The following SPMIP2 variants were observed in gnomAD, a reference collection of about 807,000 sequenced individuals.
SPMIP2 encodes the protein protein SPMIP2.
At chr4:159,023,308 G>A in the SPMIP2 span, among the ~76,000 whole-genome samples, 1 of 152,116 alleles carries the variant, frequency 6.6e-6, no homozygotes, top group Non-Finnish European at 1.5e-5. Context: ...GCAAATTTGT[G>A]CTCCACTTGG....
the SPMIP2 span, among the ~76,000 whole-genome samples, chr4:158,946,431 G>A: frequency 6.6e-6 from 1 of 151,988 alleles, no homozygotes; most frequent in African/African-American, 2.4e-5. Flanking sequence ...GACCCGGTGG[G>A]AGGTGATTGG....
chr4:158,978,127 T>C, the SPMIP2 span, among the ~76,000 whole-genome samples: 33 of 152,274 alleles, frequency 2.2e-4, no homozygotes, highest in South Asian at 1.9e-3. Flanking sequence ...TGTCTTTGTT[T>C]TCATTGGTTT....
At chr4:158,899,194 A>C in the SPMIP2 span, among the ~76,000 whole-genome samples, 19 of 152,184 alleles carry the variant, frequency 1.2e-4, no homozygotes, top group Non-Finnish European at 1.9e-4. Context: ...CCCAGGGATG[A>C]AGCCAGCTGG....
the SPMIP2 span, among the ~76,000 whole-genome samples, chr4:158,990,870 T>C: frequency 1.1e-5 from 1 of 91,836 alleles, no homozygotes; most frequent in Non-Finnish European, 2.6e-5. Flanking sequence ...GAACTTAAAA[T>C]ATAATAAAAA....
chr4:158,926,181 T>G, the SPMIP2 span, among the ~76,000 whole-genome samples: 2 of 152,352 alleles, frequency 1.3e-5, no homozygotes, highest in African/African-American at 4.8e-5. Context: ...TGCTTTTCTA[T>G]TCTTTATCTA....
the SPMIP2 span, among the ~76,000 whole-genome samples, chr4:159,016,020 T>C: frequency 4.6e-5 from 7 of 152,242 alleles, no homozygotes; most frequent in Admixed American, 4.6e-4. Flanking sequence ...GTGGTCAGTC[T>C]GTAGTAGTCA....
the SPMIP2 span, chr4:158,973,047 T>A: frequency 0.34 from 445,112 of 1,327,436 alleles, 75,989 homozygotes; most frequent in South Asian, 0.43. Context: ...GAAAACAGTA[T>A]ACTATGAAAA....
At chr4:158,946,809 C>T in the SPMIP2 span, among the ~76,000 whole-genome samples, 2 of 152,322 alleles carry the variant, frequency 1.3e-5, no homozygotes, top group East Asian at 1.9e-4. Flanking sequence ...CTGTTTCTAT[C>T]CCATCTCCCC....
the SPMIP2 span, among the ~76,000 whole-genome samples, chr4:159,024,999 T>C: frequency 6.6e-6 from 1 of 152,212 alleles, no homozygotes; most frequent in Non-Finnish European, 1.5e-5. Context: ...GAAGTAGATA[T>C]TATTATGGCC....
chr4:158,979,384 G>T, the SPMIP2 span, among the ~76,000 whole-genome samples: 6 of 152,150 alleles, frequency 3.9e-5, no homozygotes, highest in Admixed American at 6.5e-5. Flanking sequence ...GGGCATTCCA[G>T]GCACCACTGG....
the SPMIP2 span, among the ~76,000 whole-genome samples, chr4:159,000,123 A>T: frequency 6.6e-6 from 1 of 152,214 alleles, no homozygotes. Flanking sequence ...ATATGTACAC[A>T]CATGAACAGG....
At chr4:158,955,400 A>C in the SPMIP2 span, among the ~76,000 whole-genome samples, 1 of 151,968 alleles carries the variant, frequency 6.6e-6, no homozygotes. Flanking sequence ...ACACACCATT[A>C]ATTTTTTTTG....
the SPMIP2 span, chr4:158,906,361 CAT>C: frequency 6.6e-6 from 1 of 152,166 alleles, no homozygotes; most frequent in Non-Finnish European, 1.5e-5. Flanking sequence ...TTCTTGTTTA[CAT>C]GTTTTGGGCA....
At chr4:158,982,862 C>A in the SPMIP2 span, among the ~76,000 whole-genome samples, 1 of 151,996 alleles carries the variant, frequency 6.6e-6, no homozygotes, top group Non-Finnish European at 1.5e-5. Context: ...CAAACTATTC[C>A]GAGCTACAGG....
At chr4:158,988,573 G>C in the SPMIP2 span, among the ~76,000 whole-genome samples, 3 of 152,138 alleles carry the variant, frequency 2.0e-5, no homozygotes, top group African/African-American at 7.2e-5. Context: ...GGGATGCAAG[G>C]CTGGTTCAAC....
chr4:159,032,286 T>G, the SPMIP2 span, among the ~76,000 whole-genome samples: 1 of 152,210 alleles, frequency 6.6e-6, no homozygotes, highest in Admixed American at 6.5e-5. Flanking sequence ...TCTCTAAAGC[T>G]TGTGGCATTA....
the SPMIP2 span, among the ~76,000 whole-genome samples, chr4:158,956,388 C>A: frequency 2.0e-5 from 3 of 152,210 alleles, no homozygotes; most frequent in African/African-American, 7.2e-5. Context: ...TATGGTGAAA[C>A]CCTGTCTCTA....
At chr4:158,937,577 C>A in the SPMIP2 span, 94 of 154,486 alleles carry the variant, frequency 6.1e-4, 2 homozygotes, top group South Asian at 0.018. Context: ...AAAGTAACAT[C>A]CAACTGTTTA....
the SPMIP2 span, among the ~76,000 whole-genome samples, chr4:159,014,638 T>C: frequency 6.6e-6 from 1 of 152,206 alleles, no homozygotes; most frequent in Non-Finnish European, 1.5e-5. Flanking sequence ...TCTCAGCCAC[T>C]AGCCTAAAAG....
Sources: allele counts gnomAD v4.1 joint callset (sites outside exome capture counted in the v4.1 genomes callset), GRCh38; gene constraint gnomAD v4.1.1; transcripts MANE v1.5; gene names NCBI Gene and HGNC (gene_info 2026-07-23, HGNC 2026-07-21).